TAF4B: variants seen among roughly 807,000 people sequenced by gnomAD.
The protein encoded by TAF4B is transcription initiation factor TFIID subunit 4B.
Under a neutral mutation model 86.4 loss-of-function variants are expected in TAF4B, and 38 were observed. The observed-to-expected ratio is 0.44, with a 90% CI of 0.34 to 0.58. The LOEUF (loss-of-function observed/expected upper bound fraction) is 0.58, where lower values mean the gene tolerates loss of function less well. Among genes scored for constraint, TAF4B ranks in the 20% least tolerant of loss-of-function variants. TAF4B has a pLI of 0.02. For missense variants in TAF4B, 988 were observed against 1,027.6 expected, an observed-to-expected ratio of 0.96 and a Z score of 0.53; for synonymous variants, 388 against 391.2, an observed-to-expected ratio of 0.99 and a Z score of 0.10.
chr18:26,240,211 T>C (rs889646103), intron 1 of TAF4B, among the ~76,000 whole-genome samples: 2 of 152,262 alleles, frequency 1.3e-5, no homozygotes, highest in Non-Finnish European at 2.9e-5. Flanking sequence ...TGATTCTTCC[T>C]ATCCATGAGC....
intron 1 of TAF4B, among the ~76,000 whole-genome samples, chr18:26,231,602 C>T (rs1270215749): frequency 2.0e-5 from 3 of 151,980 alleles, no homozygotes; most frequent in Admixed American, 2.0e-4. Flanking sequence ...ATCTGCTGAT[C>T]TCAGCCTCCC....
chr18:26,265,808 G>C (rs1312213431), intron 2 of TAF4B, among the ~76,000 whole-genome samples: 2 of 152,128 alleles, frequency 1.3e-5, no homozygotes, highest in Non-Finnish European at 2.9e-5. Flanking sequence ...AGTCCTCTTA[G>C]CCTCCCAAAG....
At chr18:26,361,638 G>A (rs575050871) in intron 14 of TAF4B, among the ~76,000 whole-genome samples, 2 of 151,376 alleles carry the variant, frequency 1.3e-5, no homozygotes, top group African/African-American at 2.4e-5. Flanking sequence ...CTAGCTACGT[G>A]GGGGGTTGAG....
chr18:26,311,425 A>G (rs1201764564), intron 9 of TAF4B, among the ~76,000 whole-genome samples: 1 of 152,156 alleles, frequency 6.6e-6, no homozygotes, highest in Non-Finnish European at 1.5e-5. Flanking sequence ...ACCTGAGGTT[A>G]GGAGTTTGAG....
Position 26,352,079 on chromosome 18 carries a change from G to T in TAF4B, c.2317-5611G>T, listed in dbSNP as rs553276452. Among the ~76,000 whole-genome samples, 9 of 152,048 alleles carry T rather than the reference G, an allele frequency of 5.9e-5. No homozygotes were observed. In the South Asian group the frequency reaches 1.7e-3, roughly 28 times the overall value. ...AGTAGATAAATTAAAATGTTAAAAA[G>T]TTCAAATAATTCCAAGTAGAAAAAG... On this transcript the variant is annotated intron_variant, in intron 13 of 14. Coordinates refer to ENST00000269142, the MANE Select transcript of TAF4B (RefSeq NM_005640.3).
Position 26,275,051 on chromosome 18 carries a change from T to C in TAF4B, c.880T>C (p.Leu294=). The change falls in exon 5 of 15, where the codon TTG becomes CTG. Residue 294 remains leucine (L), a splice_region_variant and synonymous_variant. Transcript: ENST00000269142. ...QNVKKLVEQL[L]DAKIEAEEFT... is the part of the protein sequence containing the mutation. ...TGTGAAGAAGCTGGTGGAACAACTT[T>C]TGGTAAGTAGTGCTATAAAATCCTG... is the stretch of plus-strand genomic sequence containing the variant. The C allele has an allele frequency of 6.2e-7, 1 of 1,609,334 alleles. No homozygotes were observed. Among genetic ancestry groups the C allele is most frequent in the Non-Finnish European group, 8.5e-7 (1 of 1,179,264 alleles).
intron 13 of TAF4B, among the ~76,000 whole-genome samples, chr18:26,344,926 CAA>C (rs1447920396): frequency 6.6e-6 from 1 of 152,164 alleles, no homozygotes; most frequent in Non-Finnish European, 1.5e-5. Context: ...AATCTGGAGT[CAA>C]GAGAGACTTC....
chr18:26,227,356 T>TA (rs1276241502), intron 1 of TAF4B, 80 bp downstream of exon 1: 2 of 1,307,306 alleles, frequency 1.5e-6, no homozygotes, highest in African/African-American at 1.5e-5. Flanking sequence ...AGATTGCTCC[T>TA]AAAAAAACTG....
At chr18:26,305,393 GAT>G (rs577146895) in intron 9 of TAF4B, among the ~76,000 whole-genome samples, 152 of 152,104 alleles carry the variant, frequency 1.0e-3, no homozygotes, top group African/African-American at 3.4e-3. Context: ...TCATTTTAGT[GAT>G]ATGTTTTTGT....
At chr18:26,311,921 T>C (rs111688595) in intron 9 of TAF4B, among the ~76,000 whole-genome samples, 1 of 152,310 alleles carries the variant, frequency 6.6e-6, no homozygotes, top group Non-Finnish European at 1.5e-5. Flanking sequence ...TGAGCAGGCA[T>C]TCTCAAAAGC....
At chr18:26,228,932 A>G (rs773744925) in intron 1 of TAF4B, among the ~76,000 whole-genome samples, 1 of 152,196 alleles carries the variant, frequency 6.6e-6, no homozygotes, top group Non-Finnish European at 1.5e-5. Context: ...GGTAGCAAAT[A>G]AGGAAAGAGG....
chr18:26,235,200 A>C (rs1010702947), intron 1 of TAF4B, among the ~76,000 whole-genome samples: 2 of 152,064 alleles, frequency 1.3e-5, no homozygotes, highest in Admixed American at 1.3e-4. Flanking sequence ...TTCCCATTCT[A>C]CTAGATACAG....
rs34188640 is a variant in TAF4B at position 26,385,679 on chromosome 18, G to GTTTTT, written c.2422-4155_2422-4151dup. Among the ~76,000 whole-genome samples the GTTTTT allele has an allele frequency of 2.3e-3, 253 of 109,646 alleles. 1 individual carries two copies. The highest frequency in any genetic ancestry group is 0.01 in the South Asian group (21 of 2,062). 71.9% of individuals were successfully genotyped at this position (109,646 alleles called of 152,430 possible). ...ACTAACAGTGAGAAGAATAAACAGC[G>GTTTTT]TTTTTTTTTTTTTTTCTTCTTCTTC... is the stretch of plus-strand genomic sequence containing the variant. On this transcript the variant is annotated intron_variant, in intron 14 of 14. Transcript: ENST00000269142.
At chr18:26,319,601 T>G (rs1005377989) in intron 10 of TAF4B, among the ~76,000 whole-genome samples, 17 of 152,314 alleles carry the variant, frequency 1.1e-4, no homozygotes, top group Middle Eastern at 3.4e-3. Context: ...TTTTTATTTT[T>G]TTTTTGAGAT....
chr18:26,351,893 G>A (rs1465327079), intron 13 of TAF4B, among the ~76,000 whole-genome samples: 2 of 152,108 alleles, frequency 1.3e-5, no homozygotes, highest in South Asian at 2.1e-4. Context: ...ACAGCAAAAT[G>A]TGGAGGATAA....
intron 8 of TAF4B, 26 bp from the exon 9 acceptor site, chr18:26,293,400 T>C: frequency 6.6e-7 from 1 of 1,521,676 alleles, no homozygotes; most frequent in Non-Finnish European, 9.0e-7. Flanking sequence ...TTTTGTATTC[T>C]ATTTTTTCTT....
At chr18:26,271,781 G>A (rs921151005) in intron 3 of TAF4B, among the ~76,000 whole-genome samples, 14 of 152,106 alleles carry the variant, frequency 9.2e-5, no homozygotes, top group Admixed American at 5.2e-4. Flanking sequence ...AAAATGAGCC[G>A]GGTGGTGTGG....
At chr18:26,381,213 C>T (rs1185321106) in intron 14 of TAF4B, among the ~76,000 whole-genome samples, 1 of 151,808 alleles carries the variant, frequency 6.6e-6, no homozygotes, top group Admixed American at 6.6e-5. Flanking sequence ...TAGGGTTTCA[C>T]CATGTTTCCC....
intron 3 of TAF4B, among the ~76,000 whole-genome samples, chr18:26,271,840 T>C (rs774758365): frequency 8.7e-5 from 13 of 148,684 alleles, no homozygotes; most frequent in Admixed American, 2.0e-4. Flanking sequence ...GGCAGGAGAA[T>C]CACTTGAACC....
Sources: gnomAD v4.1 joint callset for allele counts (sites outside exome capture counted in the v4.1 genomes callset) on GRCh38, gnomAD v4.1.1 for gene constraint, MANE v1.5 for transcripts, NCBI Gene and HGNC (gene_info 2026-07-23, HGNC 2026-07-21) for gene names.